The following CLASP1 variants were observed in gnomAD, a reference collection of about 807,000 sequenced individuals.
CLASP1 encodes the protein CLIP-associating protein 1.
Under a neutral mutation model 192.3 loss-of-function variants are expected in CLASP1, and 38 were observed. The observed-to-expected ratio is 0.20, with a 90% CI of 0.15 to 0.26. The LOEUF (loss-of-function observed/expected upper bound fraction) is 0.26. Among genes scored for constraint, CLASP1 ranks in the 10% least tolerant of loss-of-function variants. The probability of loss-of-function intolerance (pLI) is 1.00; values close to 1 mark genes in which losing one functional copy is unlikely to be tolerated. For missense variants in CLASP1, 1,433 were observed against 1,932.5 expected, an observed-to-expected ratio of 0.74 and a Z score of 4.85; for synonymous variants, 691 against 712.8, an observed-to-expected ratio of 0.97 and a Z score of 0.49.
At chr2:121,521,997 C>T (rs1260031185) in intron 6 of CLASP1, among the ~76,000 whole-genome samples, 1 of 152,140 alleles carries the variant, frequency 6.6e-6, no homozygotes, top group Non-Finnish European at 1.5e-5. Flanking sequence ...ATAAAGGCAA[C>T]AGCAAAAGCA....
At chr2:121,635,195 C>A (rs562536555) in intron 1 of CLASP1, among the ~76,000 whole-genome samples, 2 of 143,236 alleles carry the variant, frequency 1.4e-5, no homozygotes, top group Admixed American at 7.1e-5. Context: ...GGCAACAAAG[C>A]GAGATTGCGT....
chr2:121,537,686 A>G (rs2095127047), intron 2 of CLASP1, among the ~76,000 whole-genome samples: 1 of 152,260 alleles, frequency 6.6e-6, no homozygotes, highest in African/African-American at 2.4e-5. Flanking sequence ...CTTTCTAGAA[A>G]GTGAAATAAT....
rs368230291 is a variant in CLASP1, at chr2:121,384,005, T to TACAC, written c.3375-1682_3375-1681insGTGT. 3.3e-3 allele frequency among the ~76,000 whole-genome samples: 449 copies of TACAC among 137,938 alleles called. 3 individuals carry two copies. Among genetic ancestry groups the TACAC allele is most frequent in the African/African-American group, 9.4e-3 (345 of 36,684 alleles). 90.5% of individuals were successfully genotyped at this position (137,938 alleles called of 152,430 possible). On this transcript the variant is annotated intron_variant, in intron 32 of 39. Coordinates refer to ENST00000263710, the Ensembl canonical transcript of CLASP1. ...CTCACTGGTGAGATATATATATATA[T>TACAC]ATACACACACACACACACACACACA...
chr2:121,401,417 T>A (rs1233033001), intron 28 of CLASP1, 92 bp downstream of exon 29: 9 of 933,548 alleles, frequency 9.6e-6, no homozygotes. Flanking sequence ...TTCAAGGGGG[T>A]GACAAAGGCC....
chr2:121,491,334 T>A (rs2093294013), intron 8 of CLASP1, among the ~76,000 whole-genome samples: 1 of 152,256 alleles, frequency 6.6e-6, no homozygotes, highest in African/African-American at 2.4e-5. Flanking sequence ...TTAACCAAGA[T>A]GATAGTTTGT....
chr2:121,605,606 T>C (rs916142777), intron 2 of CLASP1, 95 bp downstream of exon 2: 2 of 817,870 alleles, frequency 2.4e-6, no homozygotes, highest in African/African-American at 1.7e-5. Context: ...CAAGGAAGCA[T>C]GCTGACTGCT....
At chr2:121,578,123 G>A (rs933562613) in intron 2 of CLASP1, among the ~76,000 whole-genome samples, 3 of 151,994 alleles carry the variant, frequency 2.0e-5, no homozygotes, top group African/African-American at 4.8e-5. Flanking sequence ...TATAGAGATA[G>A]GGTTTCACCA....
intron 7 of CLASP1, among the ~76,000 whole-genome samples, chr2:121,511,155 C>T (rs1037552640): frequency 6.6e-6 from 1 of 152,188 alleles, no homozygotes; most frequent in African/African-American, 2.4e-5. Flanking sequence ...AAAAGGTAAT[C>T]ATAGTTTACC....
At chr2:121,438,697 A>G in intron 19 of CLASP1, among the ~76,000 whole-genome samples, 1 of 152,112 alleles carries the variant, frequency 6.6e-6, no homozygotes, top group East Asian at 1.9e-4. Flanking sequence ...ATCATGGTGG[A>G]TAAGCTTTTC....
intron 33 of CLASP1, 136 bp from the exon 35 acceptor site, chr2:121,377,785 G>GTTTT: frequency 1.7e-6 from 1 of 603,916 alleles, no homozygotes. Flanking sequence ...GGAATGAAAA[G>GTTTT]GAGACGTCTT....
chr2:121,345,621 G>A (rs1024073016), intron 39 of CLASP1, among the ~76,000 whole-genome samples: 9 of 152,172 alleles, frequency 5.9e-5, no homozygotes, highest in Non-Finnish European at 1.2e-4. Context: ...AATTAGGAAG[G>A]GGATCTGATG....
exon 34 of CLASP1, chr2:121,377,547 T>C (rs903694985): frequency 6.2e-7 from 1 of 1,602,744 alleles, no homozygotes; most frequent in African/African-American, 1.3e-5. Flanking sequence ...CATTCAGATC[T>C]TCTTGGCTTC....
intron 7 of CLASP1, among the ~76,000 whole-genome samples, chr2:121,507,129 G>A (rs559887089): frequency 1.6e-4 from 25 of 152,230 alleles, no homozygotes; most frequent in Non-Finnish European, 2.5e-4. Flanking sequence ...TTAACTCAAT[G>A]AAGACTTCAA....
intron 8 of CLASP1, among the ~76,000 whole-genome samples, chr2:121,489,065 A>G (rs2093154623): frequency 6.6e-6 from 1 of 152,240 alleles, no homozygotes; most frequent in African/African-American, 2.4e-5. Context: ...ACTTAAGTCA[A>G]ATGCTACTTG....
chr2:121,455,734 C>T lies in CLASP1; in HGVS notation c.1385+1953G>A, dbSNP rs888695056. Among the ~76,000 whole-genome samples, 9 of 152,172 alleles carry T rather than the reference C, an allele frequency of 5.9e-5. No individual in the cohort carries two copies. The East Asian group carries it at 9.7e-4, about 16-fold the overall frequency. On this transcript the variant is annotated intron_variant, in intron 14 of 39. Transcript: ENST00000263710. ...ACTTAGCTGGGGGCGTGGTGGCGGA[C>T]GCCTATGGTCTCAGCTACTTGGGAG...
At chr2:121,597,106 G>A (rs762253806) in intron 2 of CLASP1, among the ~76,000 whole-genome samples, 45 of 152,296 alleles carry the variant, frequency 3.0e-4, no homozygotes, top group Non-Finnish European at 3.8e-4. Flanking sequence ...CACATCATAC[G>A]TGTTTAATTA....
intron 2 of CLASP1, among the ~76,000 whole-genome samples, chr2:121,600,123 G>C (rs1305658704): frequency 6.6e-6 from 1 of 152,102 alleles, no homozygotes; most frequent in African/African-American, 2.4e-5. Context: ...GTAGTTTCCA[G>C]GTTTCAGTAA....
chr2:121,635,125 T>A (rs2070569286), intron 1 of CLASP1, among the ~76,000 whole-genome samples: 1 of 151,316 alleles, frequency 6.6e-6, no homozygotes, highest in African/African-American at 2.4e-5. Context: ...GAGGATCACT[T>A]GAAGCCAAGA....
At chr2:121,585,424 C>T (rs1477554177) in intron 2 of CLASP1, among the ~76,000 whole-genome samples, 2 of 152,120 alleles carry the variant, frequency 1.3e-5, no homozygotes, top group Non-Finnish European at 2.9e-5. Flanking sequence ...AAAGCAACTG[C>T]GAAGTGAGAT....
Sources: gnomAD v4.1 joint callset for allele counts (sites outside exome capture counted in the v4.1 genomes callset) on GRCh38, gnomAD v4.1.1 for gene constraint, MANE v1.5 for transcripts, NCBI Gene and HGNC (gene_info 2026-07-23, HGNC 2026-07-21) for gene names.